The following FOXN3 variants were observed in gnomAD, a reference collection of about 807,000 sequenced individuals.
FOXN3 encodes forkhead box N3.
A neutral mutation model predicts 38.4 loss-of-function variants in FOXN3; 7 were observed. The observed-to-expected ratio is 0.18, with a 90% confidence interval of 0.10 to 0.34. The LOEUF (loss-of-function observed/expected upper bound fraction) is 0.34, where lower values mean the gene tolerates loss of function less well. FOXN3 is among the 10% of genes least tolerant of loss of function. The pLI is 1.00. For synonymous variants in FOXN3, 230 were observed against 242.2 expected, an observed-to-expected ratio of 0.95 and a Z score of 0.47; for missense variants, 456 against 613.4, an observed-to-expected ratio of 0.74 and a Z score of 2.71.
rs148220287 is a variant in FOXN3, at chr14:89,253,476, C to T, written c.745+27474G>A. 2.3e-3 allele frequency among the ~76,000 whole-genome samples: 352 copies of T among 152,194 alleles called. 1 individual carries two copies. Among genetic ancestry groups the T allele is most frequent in the African/African-American group, 7.9e-3 (328 of 41,534 alleles). Reference sequence around the variant, plus strand: ...CGTGGGAGATCAAACGGCTCTTTCCCAACAAATAGACTGGACTGAAGAAAC... The same window carrying T: ...CGTGGGAGATCAAACGGCTCTTTCCTAACAAATAGACTGGACTGAAGAAAC... On this transcript the variant is annotated intron_variant, in intron 4 of 5. Transcript: ENST00000557258.
intron 1 of FOXN3, among the ~76,000 whole-genome samples, chr14:89,554,065 G>A (rs921586037): frequency 1.3e-5 from 2 of 151,970 alleles, no homozygotes; most frequent in Admixed American, 6.6e-5. Context: ...GCAGTGACAC[G>A]ATCTCATATC....
In FOXN3 at chr14:89,548,649, CATA is replaced by C. The variant is rs1313861521; in HGVS notation, c.-15+70376_-15+70378del. 5.3e-5 allele frequency among the ~76,000 whole-genome samples: 8 copies of C among 152,036 alleles called. No homozygotes were observed. Among genetic ancestry groups the C allele is most frequent in the Non-Finnish European group, 1.0e-4 (7 of 67,976 alleles). On this transcript the variant is annotated intron_variant, in intron 1 of 6. Transcript: ENST00000345097. The surrounding 1 kb of genome is among the most constrained non-coding windows in gnomAD (Gnocchi z 4.8). ...CCTTAATGTAAATGTAAGTTATTAC[CATA>C]ATAATGATGACTTTTCTTTTCAATT...
At chr14:89,250,896 G>A (rs372494037) in intron 4 of FOXN3, among the ~76,000 whole-genome samples, 49 of 152,126 alleles carry the variant, frequency 3.2e-4, no homozygotes, top group African/African-American at 1.0e-3. Flanking sequence ...CATTTAAGAC[G>A]TGACTTTGCT....
chr14:89,378,320 G>C (rs1250201936), intron 2 of FOXN3, among the ~76,000 whole-genome samples: 6 of 152,138 alleles, frequency 3.9e-5, no homozygotes, highest in African/African-American at 1.4e-4. Context: ...CATCAGCTGG[G>C]GAATACCCAG....
intron 3 of FOXN3, among the ~76,000 whole-genome samples, chr14:89,306,841 GAAT>G (rs1366147880): frequency 6.6e-6 from 1 of 152,130 alleles, no homozygotes; most frequent in African/African-American, 2.4e-5. Context: ...ATCAAAAGAA[GAAT>G]ATTATTTCTT....
chr14:89,316,958 C>T (rs180826213), intron 3 of FOXN3, among the ~76,000 whole-genome samples: 2 of 152,178 alleles, frequency 1.3e-5, no homozygotes, highest in South Asian at 4.1e-4. Context: ...AGCCACCACA[C>T]CCGGCCACCA....
intron 1 of FOXN3, among the ~76,000 whole-genome samples, chr14:89,481,924 G>C (rs1160851554): frequency 6.6e-6 from 1 of 152,080 alleles, no homozygotes; most frequent in Non-Finnish European, 1.5e-5. Context: ...TAATTATATG[G>C]GGTAAACTGG....
At chr14:89,194,670 G>A (rs1457523251) in intron 4 of FOXN3, among the ~76,000 whole-genome samples, 1 of 150,230 alleles carries the variant, frequency 6.7e-6, no homozygotes, top group Non-Finnish European at 1.5e-5. Flanking sequence ...AAATACTTAA[G>A]TTTTTCCCTT....
At chr14:89,383,624 C>G (rs1890717334) in intron 2 of FOXN3, among the ~76,000 whole-genome samples, 1 of 152,200 alleles carries the variant, frequency 6.6e-6, no homozygotes, top group Admixed American at 6.5e-5. Flanking sequence ...CTCACCCCTG[C>G]ATTGGTCCAG....
At chr14:89,332,305 A>C (rs1052613410) in intron 3 of FOXN3, among the ~76,000 whole-genome samples, 1 of 152,224 alleles carries the variant, frequency 6.6e-6, no homozygotes, top group African/African-American at 2.4e-5. Flanking sequence ...GGAAAATTAT[A>C]TACATATATT....
intron 3 of FOXN3, among the ~76,000 whole-genome samples, chr14:89,332,022 C>T (rs142847793): frequency 8.5e-5 from 13 of 152,206 alleles, no homozygotes; most frequent in East Asian, 1.9e-4. Flanking sequence ...TAATGAGCTG[C>T]GTTTCCCAAA....
chr14:89,374,263 C>CAAA (rs35623770), intron 2 of FOXN3, among the ~76,000 whole-genome samples: 1,183 of 48,146 alleles, frequency 0.025, 162 homozygotes, highest in African/African-American at 0.067. Context: ...GACCTTGTCT[C>CAAA]AAAAAAAAAA....
intron 4 of FOXN3, among the ~76,000 whole-genome samples, chr14:89,240,732 A>C (rs1885116420): frequency 6.6e-6 from 1 of 152,254 alleles, no homozygotes; most frequent in Non-Finnish European, 1.5e-5. Flanking sequence ...TTCCTTGACA[A>C]GAGAATGCCG....
At chr14:89,505,419 C>G (rs1382358637) in intron 1 of FOXN3, among the ~76,000 whole-genome samples, 1 of 152,032 alleles carries the variant, frequency 6.6e-6, no homozygotes, top group Non-Finnish European at 1.5e-5. Context: ...CGATTGCAGG[C>G]GCGCACCGCC....
Position 89,203,942 on chromosome 14 carries a change from A to G in FOXN3, c.746-23136T>C, listed in dbSNP as rs192213981. Among the ~76,000 whole-genome samples the G allele has an allele frequency of 1.0e-3, 157 of 152,216 alleles. 1 individual carries two copies. The highest frequency in any genetic ancestry group is 3.4e-3 in the Middle Eastern group (1 of 294). On this transcript the variant is annotated intron_variant, in intron 4 of 5. Transcript: ENST00000557258. ...TTACCCTGCTCCCAGACTAAAAGTC[A>G]CAAGGCCACAAGCATAATGTACTAC...
intron 4 of FOXN3, among the ~76,000 whole-genome samples, chr14:89,260,989 C>T (rs973366190): frequency 6.6e-6 from 1 of 152,214 alleles, no homozygotes; most frequent in African/African-American, 2.4e-5. Context: ...GTAAATTGCT[C>T]AGTCTGCTAC....
At chr14:89,521,334 T>A (rs1381244253) in intron 1 of FOXN3, among the ~76,000 whole-genome samples, 25 of 134,534 alleles carry the variant, frequency 1.9e-4, no homozygotes, top group South Asian at 2.3e-4. Flanking sequence ...AGAGAGAGAA[T>A]GATGAATCTT....
chr14:89,497,875 T>C (rs910791276), intron 1 of FOXN3, among the ~76,000 whole-genome samples: 1 of 152,158 alleles, frequency 6.6e-6, no homozygotes, highest in African/African-American at 2.4e-5. Flanking sequence ...AAGGGTTCCA[T>C]TTTCTCCACA....
intron 4 of FOXN3, among the ~76,000 whole-genome samples, chr14:89,208,101 G>T (rs1448491005): frequency 6.6e-6 from 1 of 152,148 alleles, no homozygotes; most frequent in Non-Finnish European, 1.5e-5. Context: ...CTTTAACTCA[G>T]CAGGCATCAC....
Sources: gnomAD v4.1 joint callset for allele counts (sites outside exome capture counted in the v4.1 genomes callset) on GRCh38, gnomAD v4.1.1 for gene constraint, Gnocchi (gnomAD v3.1) non-coding constraint, MANE v1.5 for transcripts, NCBI Gene and HGNC (gene_info 2026-07-23, HGNC 2026-07-21) for gene names.